Variants in LOXL3 observed in about 807,000 individuals in gnomAD.
LOXL3 encodes the protein lysyl oxidase homolog 3.
A neutral mutation model predicts 91.8 loss-of-function variants in LOXL3; 60 were observed. That is an observed-to-expected ratio of 0.65 (90% confidence interval 0.53 to 0.81). LOXL3 has a LOEUF of 0.81. LOXL3 is among the 30% of genes least tolerant of loss of function. LOXL3 has a pLI of 0.00. For synonymous variants in LOXL3, 355 were observed against 387.6 expected (o/e 0.92, Z 0.99); for missense variants, 874 against 1,000.4 (o/e 0.87, Z 1.70).
At chr2:74,552,211 G>A in intron 2 of LOXL3, 111 bp downstream of exon 2, 1 of 954,314 alleles carries the variant, frequency 1.0e-6, no homozygotes, top group Non-Finnish European at 1.6e-6. Context: ...ACTCAATGCT[G>A]GCTGTTCTTG....
rs759776950 is a variant in LOXL3 at position 74,535,959 on chromosome 2, G to A, written c.1248+37C>T. ...ATTGGAGACCAGACCTGGATAGGAT[G>A]AAAGAGACCTCAACCAAGGTAGAGA... On this transcript the variant is annotated intron_variant, in intron 7 of 13. Transcript: ENST00000264094. The surrounding 1 kb of genome is among the most constrained non-coding windows in gnomAD (Gnocchi z 4.2). 6.4e-5 allele frequency: 98 copies of A among 1,535,092 alleles called. No homozygotes were observed. The South Asian group carries it at 1.2e-3, about 19-fold the overall frequency.
chr2:74,535,826 G>A lies in LOXL3; in HGVS notation c.1249-71C>T. The A allele has an allele frequency of 6.6e-7, 1 of 1,506,450 alleles. No individual in the cohort carries two copies. The highest frequency in any genetic ancestry group is 8.8e-7 in the Non-Finnish European group (1 of 1,129,976). The allele number at this position is 1,506,450 out of a possible 1,614,324, so 93.3% of individuals were successfully genotyped here. A position where few individuals can be genotyped will look rare whatever the true frequency, so the allele number is the denominator to read the frequency against. ...GGTAGTGGGAGTCTCTAACAGATGT[G>A]GCTGAAGCGTGACTCAGGCACATAA... On this transcript the variant is annotated intron_variant, in intron 7 of 13. Transcript: ENST00000264094. The surrounding 1 kb of genome is among the most constrained non-coding windows in gnomAD (Gnocchi z 4.2).
At chr2:74,555,507 G>T, upstream of LOXL3, 1 of 1,611,360 alleles carries the variant, frequency 6.2e-7, no homozygotes, top group Non-Finnish European at 8.5e-7. This position sits in a 1 kb window ranked among gnomAD's most constrained non-coding sequence, Gnocchi z 6.1. Context: ...AGAGAAATGG[G>T]GCTGCCTCAG....
Position 74,535,070 on chromosome 2 carries a change from G to C in LOXL3, c.1579+222C>G, listed in dbSNP as rs989019549. Among the ~76,000 whole-genome samples the C allele has an allele frequency of 6.6e-6, 1 of 152,152 alleles. No homozygotes were observed. Among genetic ancestry groups the C allele is most frequent in the African/African-American group, 2.4e-5 (1 of 41,426 alleles). On this transcript the variant is annotated intron_variant, in intron 9 of 13. Transcript: ENST00000264094. This position sits in a 1 kb window ranked among gnomAD's most constrained non-coding sequence, Gnocchi z 4.2. ...ATTTTTGTAGTTTTAGTAGAGACAG[G>C]GTTTCACCATCTTGGTCAGGCTGGT...
In LOXL3 at chr2:74,536,563, A is replaced by G. The variant is rs916074836; in HGVS notation, c.913-92T>C. ...GGGAGATGAGTGAGACTTTGGTGGA[A>G]GGGAGTGGGTGGTATCAGGTCTGTG... On this transcript the variant is annotated intron_variant, in intron 5 of 13. Transcript: ENST00000264094. The surrounding 1 kb of genome is among the most constrained non-coding windows in gnomAD (Gnocchi z 4.5). The G allele has an allele frequency of 6.8e-6, 10 of 1,472,908 alleles. No individual in the cohort carries two copies. Among genetic ancestry groups the G allele is most frequent in the Non-Finnish European group, 9.3e-6 (10 of 1,080,904 alleles). 91.2% of individuals were successfully genotyped at this position (1,472,908 alleles called of 1,614,324 possible).
chr2:74,542,309 A>T (rs200928129), intron 4 of LOXL3, among the ~76,000 whole-genome samples: 3 of 134,582 alleles, frequency 2.2e-5, no homozygotes, highest in African/African-American at 5.3e-5. Flanking sequence ...AAGGAATCAA[A>T]CAAACAAACA....
Position 74,550,337 on chromosome 2 carries a change from G to A in LOXL3, c.325C>T (p.Leu109=). The change falls in exon 3 of 14, where the codon CTG becomes TTG. Residue 109 remains leucine (L), a synonymous_variant. Transcript: ENST00000264094. The part of the protein sequence containing the change: ...KYGPGTGRIW[L]DNLSCSGTEQ... ...GTCCCACTGCAGCTCAAGTTGTCCA[G>A]CCAGATGCGGCCTGTGGAAGGGGAG... 1.2e-6 allele frequency: 2 copies of A among 1,613,398 alleles called. No homozygotes were observed. Among genetic ancestry groups the A allele is most frequent in the Non-Finnish European group, 1.7e-6 (2 of 1,179,622 alleles).
rs772963455 is a variant in LOXL3, at chr2:74,535,498, ATCTTGGGCCAAGGGAC to A, written c.1417-60_1417-45del. On this transcript the variant is annotated intron_variant, in intron 8 of 13. Transcript: ENST00000264094. This position sits in a 1 kb window ranked among gnomAD's most constrained non-coding sequence, Gnocchi z 4.2. ...GTTTCTGTAAGGCCCAGGATCCAGC[ATCTTGGGCCAAGGGAC>A]TCATTCCTCAGCCCTCTGCCCAAAA... 1 of 1,612,666 alleles carries A rather than the reference ATCTTGGGCCAAGGGAC, an allele frequency of 6.2e-7. No individual in the cohort carries two copies. The highest frequency in any genetic ancestry group is 2.2e-5 in the East Asian group (1 of 44,878).
Position 74,549,383 on chromosome 2 carries a change from G to C in LOXL3, c.678C>G (p.Asn226Lys). The C allele has an allele frequency of 6.2e-7, 1 of 1,607,720 alleles. No individual in the cohort carries two copies. The highest frequency in any genetic ancestry group is 8.5e-7 in the Non-Finnish European group (1 of 1,176,980). Reference protein sequence around the residue: ...MLGFPSEKRVNAAFYRLLAQR... With the variant: ...MLGFPSEKRVKAAFYRLLAQR... The stretch of plus-strand genomic sequence containing the variant: ...CGGCCCCTCACCTGTAGAAGGCCGC[G>C]TTGACCCTCTTTTCGCTGGGGAAGC... Residue 226 changes from asparagine (N) to lysine (K), a missense_variant, in exon 4 of 14, where the codon AAC becomes AAG. By Grantham distance (94) the Asn-to-Lys change is moderately conservative. Transcript: ENST00000264094. This position sits in a 1 kb window ranked among gnomAD's most constrained non-coding sequence, Gnocchi z 5.3.
intron 4 of LOXL3, among the ~76,000 whole-genome samples, chr2:74,542,993 T>C (rs1425243594): frequency 6.6e-6 from 1 of 151,466 alleles, no homozygotes; most frequent in Non-Finnish European, 1.5e-5. Context: ...ACTTCTATTT[T>C]GTTAAATCCA....
rs1331390567 is a variant in LOXL3 at position 74,533,139 on chromosome 2, A to T, written c.*467T>A. The T allele has an allele frequency of 3.1e-6, 2 of 654,044 alleles. No homozygotes were observed. The highest frequency in any genetic ancestry group is 5.3e-6 in the Non-Finnish European group (2 of 375,486). 40.5% of individuals were successfully genotyped at this position (654,044 alleles called of 1,614,324 possible). On this transcript the variant is annotated 3_prime_UTR_variant, in exon 14 of 14. Transcript: ENST00000264094. ...ACTCCTGGGCTCTGAAGAATCACAG[A>T]AACACTTTTTATATAAAATAAAATT...
Position 74,549,298 on chromosome 2 carries a change from G to A in LOXL3, c.692+71C>T. ...TCCCGTGCCCCGGACCTGCTCAGAT[G>A]TCTCCCAAGGCTATTCATCAGGGAG... is the stretch of plus-strand genomic sequence containing the variant. On this transcript the variant is annotated intron_variant, in intron 4 of 13. Transcript: ENST00000264094. This position sits in a 1 kb window ranked among gnomAD's most constrained non-coding sequence, Gnocchi z 5.3. The A allele has an allele frequency of 6.8e-7, 1 of 1,461,986 alleles. No individual in the cohort carries two copies. The highest frequency in any genetic ancestry group is 2.4e-5 in the Admixed American group (1 of 41,488). The allele number at this position is 1,461,986 out of a possible 1,614,324, so 90.6% of individuals were successfully genotyped here. A position where few individuals can be genotyped will look rare whatever the true frequency, so the allele number is the denominator to read the frequency against.
chr2:74,554,850 C>G, upstream of LOXL3: 1 of 1,612,330 alleles, frequency 6.2e-7, no homozygotes, highest in Non-Finnish European at 8.5e-7. The surrounding 1 kb of genome is among the most constrained non-coding windows in gnomAD (Gnocchi z 4.9). Flanking sequence ...CTTATCCGGG[C>G]TAGTAGTGGG....
At chr2:74,538,832 TG>T in intron 4 of LOXL3, among the ~76,000 whole-genome samples, 2 of 152,350 alleles carry the variant, frequency 1.3e-5, no homozygotes, top group Middle Eastern at 3.4e-3. Flanking sequence ...TGTTGTCTCC[TG>T]GAACTCAGCA....
chr2:74,534,516 T>A lies in LOXL3; in HGVS notation c.1823+15A>T, dbSNP rs962016583. 6.2e-7 allele frequency: 1 copy of A among 1,613,898 alleles called. No homozygotes were observed. The highest frequency in any genetic ancestry group is 1.3e-5 in the African/African-American group (1 of 75,044). The stretch of plus-strand genomic sequence containing the variant: ...CCGTGGTCTTGCCCTTCTACTTGAC[T>A]CCCTACCCTCTCACCCATGGCACTC... On this transcript the variant is annotated intron_variant, in intron 10 of 13. Coordinates refer to ENST00000264094, the MANE Select transcript of LOXL3 (RefSeq NM_032603.5).
At chr2:74,547,423 C>G (rs1676660662) in intron 4 of LOXL3, among the ~76,000 whole-genome samples, 1 of 152,172 alleles carries the variant, frequency 6.6e-6, no homozygotes, top group Non-Finnish European at 1.5e-5. Context: ...TGTCTAAATT[C>G]TACGCATCTT....
chr2:74,554,659 G>A (rs1677268440), upstream of LOXL3: 8 of 1,274,544 alleles, frequency 6.3e-6, no homozygotes, highest in South Asian at 1.4e-5. This position sits in a 1 kb window ranked among gnomAD's most constrained non-coding sequence, Gnocchi z 4.9. Flanking sequence ...GGCGGGGGCC[G>A]GGGAGGGGCG....
Position 74,534,124 on chromosome 2 carries a change from C to T in LOXL3, c.2052G>A (p.Val684=), listed in dbSNP as rs370095028. ...IDCQWIDITD[V]KPGNYILQVV... is the part of the protein sequence containing the mutation. Reference sequence around the variant, plus strand: ...CCTGGAGAATGTAGTTTCCTGGCTTCACATCCGTGATGTCAATCCACTGAC... The same window carrying T: ...CCTGGAGAATGTAGTTTCCTGGCTTTACATCCGTGATGTCAATCCACTGAC... The change falls in exon 12 of 14, where the codon GTG becomes GTA. Residue 684 remains valine (V), a synonymous_variant. Coordinates refer to ENST00000264094, the MANE Select transcript of LOXL3 (RefSeq NM_032603.5). 6 of 1,614,094 alleles carry T rather than the reference C, an allele frequency of 3.7e-6. No homozygotes were observed. The highest frequency in any genetic ancestry group is 2.7e-5 in the African/African-American group (2 of 74,930).
Position 74,535,815 on chromosome 2 carries a change from C to CT in LOXL3, c.1249-61dup, listed in dbSNP as rs1675985874. 3 of 1,515,236 alleles carry CT rather than the reference C, an allele frequency of 2.0e-6. No homozygotes were observed. Among genetic ancestry groups the CT allele is most frequent in the Non-Finnish European group, 2.6e-6 (3 of 1,135,868 alleles). The allele number at this position is 1,515,236 out of a possible 1,614,324, so 93.9% of individuals were successfully genotyped here. On this transcript the variant is annotated intron_variant, in intron 7 of 13. Transcript: ENST00000264094. This position sits in a 1 kb window ranked among gnomAD's most constrained non-coding sequence, Gnocchi z 4.2. The stretch of plus-strand genomic sequence containing the variant: ...CTTTGGGGTGAGGTAGTGGGAGTCT[C>CT]TAACAGATGTGGCTGAAGCGTGACT...
Sources: gnomAD v4.1 joint callset for allele counts (sites outside exome capture counted in the v4.1 genomes callset) on GRCh38, gnomAD v4.1.1 for gene constraint, Gnocchi (gnomAD v3.1) non-coding constraint, MANE v1.5 for transcripts, NCBI Gene and HGNC (gene_info 2026-07-23, HGNC 2026-07-21) for gene names.